The following GABRB2 variants were observed in gnomAD, a reference collection of about 807,000 sequenced individuals.
GABRB2 encodes gamma-aminobutyric acid receptor subunit beta-2.
A neutral mutation model predicts 54.7 loss-of-function variants in GABRB2; 16 were observed. The ratio of observed to expected loss-of-function variants is 0.29; its 90% CI spans 0.20 to 0.44. GABRB2 has a LOEUF of 0.44. GABRB2 is among the 20% of genes least tolerant of loss of function. The pLI is 1.00. For missense variants in GABRB2, 355 were observed against 644.0 expected (o/e 0.55, Z 4.86); for synonymous variants, 244 against 233.8 (o/e 1.04, Z -0.40).
At chr5:161,364,103 G>C (rs1447753773) in intron 5 of GABRB2, among the ~76,000 whole-genome samples, 2 of 152,068 alleles carry the variant, frequency 1.3e-5, no homozygotes, top group Admixed American at 6.6e-5. Flanking sequence ...ACATGTGCAA[G>C]TTATAGTATT....
chr5:161,306,859 A>G (rs1486640980), intron 9 of GABRB2, among the ~76,000 whole-genome samples: 2 of 152,184 alleles, frequency 1.3e-5, no homozygotes, highest in Non-Finnish European at 2.9e-5. Flanking sequence ...GATGTCATCA[A>G]AATAACTCAG....
intron 5 of GABRB2, 136 bp downstream of exon 5, chr5:161,410,839 C>T: frequency 1.7e-6 from 1 of 593,192 alleles, no homozygotes; most frequent in Non-Finnish European, 3.0e-6. Context: ...GCTGTCAATG[C>T]TTCCCTCAAC....
chr5:161,425,852 C>T (rs989829327), intron 4 of GABRB2, among the ~76,000 whole-genome samples: 1 of 151,846 alleles, frequency 6.6e-6, no homozygotes, highest in African/African-American at 2.4e-5. Context: ...TTTGTTTTTT[C>T]AAATATAATA....
At chr5:161,442,748 T>TTC (rs897417429) in intron 4 of GABRB2, among the ~76,000 whole-genome samples, 10 of 151,414 alleles carry the variant, frequency 6.6e-5, no homozygotes, top group African/African-American at 1.9e-4. Flanking sequence ...CCCTTTTCAA[T>TTC]TCTCTCTCTC....
At chr5:161,326,320 G>T (rs1249471567) in intron 9 of GABRB2, 48 bp downstream of exon 9, 2 of 1,605,420 alleles carry the variant, frequency 1.2e-6, no homozygotes, top group African/African-American at 2.7e-5. Context: ...TAAACAAATT[G>T]GCCCCAACAG....
intron 3 of GABRB2, among the ~76,000 whole-genome samples, chr5:161,536,234 G>T (rs72815523): frequency 0.07 from 10,643 of 152,146 alleles, 537 homozygotes; most frequent in Middle Eastern, 0.1. Context: ...AATGTTGAGC[G>T]CTGTACGAAA....
At position 161,292,112 on chromosome 5, in the gene GABRB2, A is replaced by G. The variant is rs1757255405; in HGVS notation, c.*1969T>C. On this transcript the variant is annotated 3_prime_UTR_variant, in exon 10 of 10. Transcript: ENST00000393959. ...CTACACTGGTGAAAAACAAAATACCATTCCATTTTGGGGCAAATTCAGAAA... is the reference window on the plus strand; with the variant it reads ...CTACACTGGTGAAAAACAAAATACCGTTCCATTTTGGGGCAAATTCAGAAA... 6.6e-6 allele frequency: 1 copy of G among 152,166 alleles called. No homozygotes were observed. Among genetic ancestry groups the G allele is most frequent in the East Asian group, 1.9e-4 (1 of 5,200 alleles). 9.4% of individuals were successfully genotyped at this position (152,166 alleles called of 1,614,324 possible). A position where few individuals can be genotyped will look rare whatever the true frequency, so the allele number is the denominator to read the frequency against.
intron 5 of GABRB2, among the ~76,000 whole-genome samples, chr5:161,355,133 TATA>T (rs1754576075): frequency 6.6e-6 from 1 of 151,832 alleles, no homozygotes. Context: ...AATTGCTTTT[TATA>T]ATATTTCCTT....
At chr5:161,309,938 T>C (rs1161113483) in intron 9 of GABRB2, among the ~76,000 whole-genome samples, 1 of 152,120 alleles carries the variant, frequency 6.6e-6, no homozygotes, top group Non-Finnish European at 1.5e-5. Flanking sequence ...GCCCTAAATT[T>C]TTTAAAAAAG....
intron 4 of GABRB2, among the ~76,000 whole-genome samples, chr5:161,449,724 A>G (rs972720035): frequency 6.6e-6 from 1 of 152,144 alleles, no homozygotes; most frequent in African/African-American, 2.4e-5. Context: ...ATATATACAA[A>G]CATATCTACA....
intron 3 of GABRB2, among the ~76,000 whole-genome samples, chr5:161,539,768 T>A (rs766594723): frequency 6.6e-6 from 1 of 152,142 alleles, no homozygotes; most frequent in South Asian, 2.1e-4. Flanking sequence ...AAAGTGAATA[T>A]CCCAATAAAG....
At chr5:161,359,875 G>A (rs1754752785) in intron 5 of GABRB2, among the ~76,000 whole-genome samples, 1 of 152,140 alleles carries the variant, frequency 6.6e-6, no homozygotes, top group Non-Finnish European at 1.5e-5. Flanking sequence ...GAGGTCAAGA[G>A]ATCAAGACCA....
intron 9 of GABRB2, among the ~76,000 whole-genome samples, chr5:161,306,267 G>A (rs533199081): frequency 1.2e-4 from 18 of 152,286 alleles, no homozygotes; most frequent in South Asian, 4.1e-4. Flanking sequence ...GGTTTCTGTC[G>A]CCCTGAGGCA....
At chr5:161,491,567 G>A (rs1327412659) in intron 3 of GABRB2, among the ~76,000 whole-genome samples, 1 of 151,528 alleles carries the variant, frequency 6.6e-6, no homozygotes, top group African/African-American at 2.4e-5. Flanking sequence ...CCTTTTTAAG[G>A]CCCCATCAAT....
At chr5:161,513,909 A>C (rs1581048810) in intron 3 of GABRB2, among the ~76,000 whole-genome samples, 1 of 152,160 alleles carries the variant, frequency 6.6e-6, no homozygotes, top group Non-Finnish European at 1.5e-5. Context: ...GTTAACTACA[A>C]TGAAGCTGGA....
chr5:161,463,555 T>TTATATATA (rs869302091), intron 3 of GABRB2, among the ~76,000 whole-genome samples: 2 of 23,688 alleles, frequency 8.4e-5, no homozygotes, highest in African/African-American at 1.8e-4. Flanking sequence ...ATATTTTTAT[T>TTATATATA]TATATATATA....
At chr5:161,316,946 G>A (rs557129317) in intron 9 of GABRB2, among the ~76,000 whole-genome samples, 3 of 152,104 alleles carry the variant, frequency 2.0e-5, no homozygotes, top group Non-Finnish European at 4.4e-5. Context: ...CACTAGAAAC[G>A]TTTAATGTGC....
chr5:161,488,550 A>G (rs1758996857), intron 3 of GABRB2, among the ~76,000 whole-genome samples: 1 of 151,778 alleles, frequency 6.6e-6, no homozygotes, highest in African/African-American at 2.4e-5. Context: ...GCCTCTAACT[A>G]CTTTATGATT....
chr5:161,509,131 T>A (rs895220677), intron 3 of GABRB2, among the ~76,000 whole-genome samples: 5 of 151,908 alleles, frequency 3.3e-5, no homozygotes, highest in African/African-American at 1.2e-4. Flanking sequence ...ATAAGAGACA[T>A]AAAACACGGC....
Sources: allele counts gnomAD v4.1 joint callset (sites outside exome capture counted in the v4.1 genomes callset), GRCh38; gene constraint gnomAD v4.1.1; transcripts MANE v1.5; gene names NCBI Gene and HGNC (gene_info 2026-07-23, HGNC 2026-07-21).